ORC3: variants seen among roughly 807,000 people sequenced by gnomAD.
The protein encoded by ORC3 is homolog of latheo, Drosophila.
In ORC3, 78 loss-of-function variants were observed where a neutral mutation model predicts 100.7. That is an observed-to-expected ratio of 0.77 (90% confidence interval 0.65 to 0.94). The LOEUF (loss-of-function observed/expected upper bound fraction) is 0.94, where lower values mean the gene tolerates loss of function less well. Among genes scored for constraint, ORC3 ranks in the 40% least tolerant of loss-of-function variants. The pLI is 0.00. For synonymous variants in ORC3, 295 were observed against 289.3 expected (o/e 1.02, Z -0.20); for missense variants, 789 against 823.9 (o/e 0.96, Z 0.52).
intron 2 of ORC3, among the ~76,000 whole-genome samples, chr6:87,600,059 G>A (rs192165665): frequency 3.5e-4 from 53 of 152,124 alleles, no homozygotes; most frequent in African/African-American, 1.1e-3. Context: ...CCACTTTACC[G>A]TACGATGACT....
At chr6:87,671,864 A>T (rs554900110), downstream of ORC3, among the ~76,000 whole-genome samples, 4 of 152,294 alleles carry the variant, frequency 2.6e-5, no homozygotes, top group East Asian at 7.7e-4. Flanking sequence ...GAAAAGCCGT[A>T]ACTGTTGTGA....
rs759532610 is a variant in ORC3 at position 87,663,118 on chromosome 6, C to T, written c.1807C>T (p.Leu603Phe). 1.2e-6 allele frequency: 2 copies of T among 1,612,176 alleles called. No individual in the cohort carries two copies. Among genetic ancestry groups the T allele is most frequent in the East Asian group, 2.2e-5 (1 of 44,866 alleles). ...TCCGCGAATTGCCCTCCATACTGCA[C>T]TCAACAATCCTTACTATTATCTCAA... is the stretch of plus-strand genomic sequence containing the variant. Reference protein sequence around the residue: ...AAPRIALHTALNNPYYYLKNE... With the variant: ...AAPRIALHTAFNNPYYYLKNE... Residue 603 changes from leucine (L) to phenylalanine (F), a missense_variant, in exon 17 of 20, where the codon CTC becomes TTC. Around this residue, in one of 3 missense-constraint regions of ORC3, gnomAD observed 366 missense variants for 394.2 expected, o/e 0.93. Coordinates refer to ENST00000392844, the MANE Select transcript of ORC3 (RefSeq NM_012381.4).
At chr6:87,594,005 T>C (rs566732084) in intron 1 of ORC3, among the ~76,000 whole-genome samples, 1 of 152,324 alleles carries the variant, frequency 6.6e-6, no homozygotes, top group South Asian at 2.1e-4. Flanking sequence ...CATTTTAATG[T>C]GTAGTATTAA....
the ORC3 span, among the ~76,000 whole-genome samples, chr6:87,674,864 G>A: frequency 6.6e-6 from 1 of 151,520 alleles, no homozygotes; most frequent in South Asian, 2.1e-4. Context: ...AAATGCTTAC[G>A]TTTTAAAACA....
chr6:87,675,516 G>T, the ORC3 span: 1 of 1,549,824 alleles, frequency 6.5e-7, no homozygotes, highest in Non-Finnish European at 8.9e-7. Context: ...AGGGGTATTG[G>T]CATTGCTGCA....
intron 13 of ORC3, among the ~76,000 whole-genome samples, chr6:87,645,511 C>CT (rs1768692671): frequency 6.6e-6 from 1 of 151,964 alleles, no homozygotes; most frequent in South Asian, 2.1e-4. Flanking sequence ...TTTTTACATG[C>CT]TTTTTTGTTT....
At chr6:87,621,257 G>T in intron 9 of ORC3, 97 bp from the exon 10 acceptor site, 1 of 783,506 alleles carries the variant, frequency 1.3e-6, no homozygotes, top group Non-Finnish European at 1.9e-6. Flanking sequence ...TAAATACTTT[G>T]GCTCTTTAAA....
rs1050090707 is a variant in ORC3 at position 87,609,360 on chromosome 6, T to C, written c.713+131T>C. On this transcript the variant is annotated intron_variant, in intron 7 of 19. Coordinates refer to ENST00000392844, the MANE Select transcript of ORC3 (RefSeq NM_012381.4). ...TCAAAGTATTCAAATTCTTTATAAT[T>C]GAATATTCAAAGACTTCCTATCAGA... The C allele has an allele frequency of 1.4e-5, 9 of 630,490 alleles. No homozygotes were observed. The South Asian group carries it at 2.7e-4, about 19-fold the overall frequency. 39.1% of individuals were successfully genotyped at this position (630,490 alleles called of 1,614,324 possible).
Position 87,640,871 on chromosome 6 carries a change from G to A in ORC3, c.1382+4385G>A, listed in dbSNP as rs935351469. Reference sequence around the variant, plus strand: ...TCCCAACGCTTTGGGAGGCCAAGGTGGGGGCAGATCACAAGATCAGGAGAT... The same window carrying A: ...TCCCAACGCTTTGGGAGGCCAAGGTAGGGGCAGATCACAAGATCAGGAGAT... On this transcript the variant is annotated intron_variant, in intron 13 of 19. Coordinates refer to ENST00000392844, the MANE Select transcript of ORC3 (RefSeq NM_012381.4). Among the ~76,000 whole-genome samples, 5 of 152,144 alleles carry A rather than the reference G, an allele frequency of 3.3e-5. No individual in the cohort carries two copies. In the East Asian group the frequency reaches 9.6e-4, roughly 29 times the overall value.
chr6:87,645,522 T>G (rs1768693327), intron 13 of ORC3, among the ~76,000 whole-genome samples: 1 of 152,238 alleles, frequency 6.6e-6, no homozygotes, highest in Non-Finnish European at 1.5e-5. Context: ...TTTTTTGTTT[T>G]GTTTTGTTTC....
intron 11 of ORC3, among the ~76,000 whole-genome samples, chr6:87,629,673 TAATA>T (rs898726723): frequency 3.3e-5 from 5 of 152,178 alleles, no homozygotes; most frequent in African/African-American, 1.2e-4. Context: ...ACATTGTACC[TAATA>T]AATAATTTCT....
chr6:87,638,386 T>G (rs1767981786), intron 13 of ORC3, among the ~76,000 whole-genome samples: 1 of 152,192 alleles, frequency 6.6e-6, no homozygotes, highest in Non-Finnish European at 1.5e-5. Flanking sequence ...CTTGAGACCA[T>G]TCTCATCACC....
At chr6:87,657,140 T>C in intron 15 of ORC3, 158 bp downstream of exon 15, 1 of 576,674 alleles carries the variant, frequency 1.7e-6, no homozygotes, top group Admixed American at 2.8e-5. Flanking sequence ...GAACATCCTG[T>C]TAGTCCCATT....
At position 87,664,878 on chromosome 6, in the gene ORC3, A is replaced by G. The variant is rs1417119639; in HGVS notation, c.1950+19A>G. 1 of 1,429,644 alleles carries G rather than the reference A, an allele frequency of 7.0e-7. No homozygotes were observed. Among genetic ancestry groups the G allele is most frequent in the Non-Finnish European group, 9.7e-7 (1 of 1,026,168 alleles). The allele number at this position is 1,429,644 out of a possible 1,614,324, so 88.6% of individuals were successfully genotyped here. On this transcript the variant is annotated intron_variant, in intron 18 of 19. Coordinates refer to ENST00000392844, the MANE Select transcript of ORC3 (RefSeq NM_012381.4). ...GTCAGAGGTAGGTTGTAGGGAAAAG[A>G]ACAAGCTAGATATTTTTCTAACCAT...
At chr6:87,635,518 T>C (rs1028040204) in intron 12 of ORC3, among the ~76,000 whole-genome samples, 16 of 152,172 alleles carry the variant, frequency 1.1e-4, no homozygotes, top group Non-Finnish European at 1.5e-5. Context: ...ACTTGTTGGC[T>C]GGGTGCAGTG....
chr6:87,667,039 T>C lies in ORC3; in HGVS notation c.2052T>C (p.Val684=), dbSNP rs1205239792. The C allele has an allele frequency of 6.2e-7, 1 of 1,611,982 alleles. No individual in the cohort carries two copies. The highest frequency in any genetic ancestry group is 2.2e-5 in the East Asian group (1 of 44,826). The change falls in exon 20 of 20, where the codon GTT becomes GTC. Residue 684 remains valine (V), a synonymous_variant. Coordinates refer to ENST00000392844, the MANE Select transcript of ORC3 (RefSeq NM_012381.4). ...EIIHARFIRA[V]SELELLGFIK... Reference sequence around the variant, plus strand: ...CCAGTGCTCGGTTTATTAGAGCTGTTTCTGAACTAGAACTTTTAGGATTTA... The same window carrying C: ...CCAGTGCTCGGTTTATTAGAGCTGTCTCTGAACTAGAACTTTTAGGATTTA...
the ORC3 span, among the ~76,000 whole-genome samples, chr6:87,673,447 A>C: frequency 6.6e-6 from 1 of 152,112 alleles, no homozygotes; most frequent in Non-Finnish European, 1.5e-5. Flanking sequence ...GATGTGGCTA[A>C]ATATCCTATA....
At chr6:87,666,133 G>T (rs1027064612) in intron 19 of ORC3, among the ~76,000 whole-genome samples, 33 of 151,676 alleles carry the variant, frequency 2.2e-4, no homozygotes, top group Middle Eastern at 3.4e-3. Context: ...TGTTTTTTTT[G>T]TTTGTTTGTT....
chr6:87,667,225 A>C lies in ORC3; in HGVS notation c.*102A>C. On this transcript the variant is annotated 3_prime_UTR_variant, in exon 20 of 20. Coordinates refer to ENST00000392844, the MANE Select transcript of ORC3 (RefSeq NM_012381.4). ...GAGGAGCCTGTTTTGTTGAGAAGAT[A>C]AATGTGTAACCCCCATTGATGTTTA... The C allele has an allele frequency of 5.9e-6, 4 of 673,432 alleles. No individual in the cohort carries two copies. The highest frequency in any genetic ancestry group is 1.0e-5 in the Non-Finnish European group (4 of 399,094). The allele number at this position is 673,432 out of a possible 1,614,324, so 41.7% of individuals were successfully genotyped here. A position where few individuals can be genotyped will look rare whatever the true frequency, so the allele number is the denominator to read the frequency against.
Sources: allele counts gnomAD v4.1 joint callset (sites outside exome capture counted in the v4.1 genomes callset), GRCh38; gene constraint gnomAD v4.1.1; regional missense constraint gnomAD v4.1.1; transcripts MANE v1.5; gene names NCBI Gene and HGNC (gene_info 2026-07-23, HGNC 2026-07-21).